COL21A1: variants seen among roughly 807,000 people sequenced by gnomAD.
The protein encoded by COL21A1 is collagen type XXI alpha 1 chain, also known as collagen alpha-1(XXI) chain.
A neutral mutation model predicts 137.9 loss-of-function variants in COL21A1; 149 were observed. That is an observed-to-expected ratio of 1.08 (90% CI 0.95 to 1.24). COL21A1 has a LOEUF of 1.24. Ranked by LOEUF, COL21A1 falls within the 50% of genes most tolerant of loss-of-function variation. The pLI is 0.00. For missense variants in COL21A1, 1,167 were observed against 1,158.4 expected, an observed-to-expected ratio of 1.01 and a Z score of -0.11; for synonymous variants, 456 against 391.5, an observed-to-expected ratio of 1.16 and a Z score of -1.95.
chr6:56,230,138 A>G (rs1161795714), intron 1 of COL21A1, among the ~76,000 whole-genome samples: 1 of 151,778 alleles, frequency 6.6e-6, no homozygotes, highest in Non-Finnish European at 1.5e-5. Context: ...TGGGTCCTGT[A>G]AAAAAAATTG....
chr6:56,317,851 T>A (rs1201679945), intron 1 of COL21A1, among the ~76,000 whole-genome samples: 1 of 152,130 alleles, frequency 6.6e-6, no homozygotes, highest in Non-Finnish European at 1.5e-5. Context: ...CTTGGAGTAT[T>A]TTTACAAAAC....
At chr6:56,129,474 TTC>T (rs1160052348) in intron 12 of COL21A1, among the ~76,000 whole-genome samples, 3 of 152,170 alleles carry the variant, frequency 2.0e-5, no homozygotes, top group Non-Finnish European at 4.4e-5. Context: ...AAAAATAAAC[TTC>T]TTTCTCATTT....
chr6:56,205,847 G>A (rs1779742771), intron 1 of COL21A1, among the ~76,000 whole-genome samples: 1 of 152,158 alleles, frequency 6.6e-6, no homozygotes, highest in African/African-American at 2.4e-5. Context: ...GTAAAGAAAA[G>A]AATTTGCAAC....
At chr6:56,290,484 A>C (rs998349567) in intron 1 of COL21A1, among the ~76,000 whole-genome samples, 2 of 142,276 alleles carry the variant, frequency 1.4e-5, no homozygotes, top group African/African-American at 5.2e-5. Flanking sequence ...GATGCATATT[A>C]GAATCACTTA....
intron 17 of COL21A1, among the ~76,000 whole-genome samples, chr6:56,098,861 A>G (rs1454267566): frequency 8.1e-5 from 12 of 147,716 alleles, no homozygotes; most frequent in Admixed American, 5.6e-4. Context: ...GACTACAGGC[A>G]CGTGCCACCA....
intron 1 of COL21A1, among the ~76,000 whole-genome samples, chr6:56,222,280 A>T (rs1427074609): frequency 6.6e-6 from 1 of 152,174 alleles, no homozygotes; most frequent in African/African-American, 2.4e-5. Flanking sequence ...TCTCAAAAAA[A>T]AAAATTGAAA....
At chr6:56,389,023 C>T (rs552710190) in intron 1 of COL21A1, among the ~76,000 whole-genome samples, 2 of 152,210 alleles carry the variant, frequency 1.3e-5, no homozygotes, top group Admixed American at 6.5e-5. Flanking sequence ...CAGAATTGAT[C>T]AAGCAGAAAA....
At chr6:56,363,881 C>T (rs1352910731) in intron 1 of COL21A1, among the ~76,000 whole-genome samples, 1 of 152,150 alleles carries the variant, frequency 6.6e-6, no homozygotes, top group Non-Finnish European at 1.5e-5. Context: ...GCAAGAATGC[C>T]TATATTGCTA....
At chr6:56,323,666 T>C (rs1764930142) in intron 1 of COL21A1, among the ~76,000 whole-genome samples, 2 of 152,024 alleles carry the variant, frequency 1.3e-5, no homozygotes, top group Admixed American at 1.3e-4. Flanking sequence ...GGGATTACAG[T>C]GATGTCATAA....
chr6:56,085,810 T>C (rs2114175657), intron 17 of COL21A1, among the ~76,000 whole-genome samples: 1 of 151,848 alleles, frequency 6.6e-6, no homozygotes, highest in African/African-American at 2.4e-5. Context: ...AATTTTGAGG[T>C]ACTCTGTGGA....
intron 12 of COL21A1, among the ~76,000 whole-genome samples, chr6:56,128,131 G>C (rs1471444310): frequency 1.3e-5 from 2 of 152,150 alleles, no homozygotes; most frequent in African/African-American, 4.8e-5. Flanking sequence ...ATTGTTCAGG[G>C]ACTGTCAGAA....
intron 12 of COL21A1, among the ~76,000 whole-genome samples, chr6:56,133,629 T>C (rs1314628431): frequency 1.3e-5 from 2 of 152,210 alleles, no homozygotes; most frequent in Non-Finnish European, 2.9e-5. Flanking sequence ...GAGGTCTTCA[T>C]GGCAGCCCCT....
intron 17 of COL21A1, among the ~76,000 whole-genome samples, chr6:56,097,900 T>A (rs1407432402): frequency 4.4e-5 from 4 of 91,936 alleles, no homozygotes; most frequent in African/African-American, 8.8e-5. Context: ...TATAAATATA[T>A]AAATATATAA....
At chr6:56,103,078 A>G (rs1217828348) in intron 16 of COL21A1, among the ~76,000 whole-genome samples, 2 of 152,196 alleles carry the variant, frequency 1.3e-5, no homozygotes, top group Non-Finnish European at 2.9e-5. Context: ...TAACACTCAT[A>G]TCAATAGTCA....
chr6:56,155,768 G>C (rs912372422), intron 10 of COL21A1, among the ~76,000 whole-genome samples: 2 of 152,022 alleles, frequency 1.3e-5, no homozygotes, highest in African/African-American at 4.8e-5. Context: ...GCTAATTTTT[G>C]TATTTCTTTT....
At chr6:56,099,808 G>A (rs1439355758) in intron 17 of COL21A1, among the ~76,000 whole-genome samples, 1 of 151,976 alleles carries the variant, frequency 6.6e-6, no homozygotes, top group Non-Finnish European at 1.5e-5. Context: ...GCTCACATAT[G>A]TTGAGCTCAT....
intron 1 of COL21A1, among the ~76,000 whole-genome samples, chr6:56,229,749 A>C (rs1781430989): frequency 6.6e-6 from 1 of 151,892 alleles, no homozygotes; most frequent in African/African-American, 2.4e-5. Flanking sequence ...AATATATGTT[A>C]ATTTCCACTC....
intron 1 of COL21A1, among the ~76,000 whole-genome samples, chr6:56,325,997 C>T (rs1205866146): frequency 0.3 from 709 of 2,370 alleles, 152 homozygotes; most frequent in East Asian, 0.73. Flanking sequence ...TATGTATATA[C>T]ATACATATAT....
intron 10 of COL21A1, among the ~76,000 whole-genome samples, chr6:56,150,514 T>TCACACACACACA (rs747022399): frequency 1.5e-4 from 7 of 46,192 alleles, no homozygotes; most frequent in African/African-American, 5.3e-4. Context: ...CGAGACTCCA[T>TCACACACACACA]CACACACACA....
Sources: allele counts gnomAD v4.1 joint callset (sites outside exome capture counted in the v4.1 genomes callset), GRCh38; gene constraint gnomAD v4.1.1; transcripts MANE v1.5; gene names NCBI Gene and HGNC (gene_info 2026-07-23, HGNC 2026-07-21).